Variants in AMOTL1 observed in about 807,000 individuals in gnomAD.
AMOTL1 encodes the protein angiomotin-like protein 1.
Under a neutral mutation model 102.9 loss-of-function variants are expected in AMOTL1, and 45 were observed. The observed-to-expected ratio is 0.44, with a 90% CI of 0.34 to 0.56. The LOEUF is 0.56. Ranked by LOEUF, AMOTL1 falls within the 20% of genes least tolerant of loss-of-function variation. The pLI is 0.01. For synonymous variants in AMOTL1, 481 were observed against 484.7 expected (o/e 0.99, Z 0.10); for missense variants, 1,114 against 1,225.6 (o/e 0.91, Z 1.36).
At chr11:94,813,515 G>T (rs1565363673) in intron 3 of AMOTL1, among the ~76,000 whole-genome samples, 1 of 152,128 alleles carries the variant, frequency 6.6e-6, no homozygotes, top group Non-Finnish European at 1.5e-5. Context: ...GCAACCATCC[G>T]CAGTTTTCAG....
intron 1 of AMOTL1, among the ~76,000 whole-genome samples, chr11:94,782,794 A>T (rs1565349772): frequency 6.6e-6 from 1 of 152,246 alleles, no homozygotes; most frequent in African/African-American, 2.4e-5. Flanking sequence ...CAAAAATTAT[A>T]TAACAACAGA....
At chr11:94,814,180 A>G (rs1315400910) in intron 3 of AMOTL1, among the ~76,000 whole-genome samples, 1 of 152,176 alleles carries the variant, frequency 6.6e-6, no homozygotes, top group East Asian at 1.9e-4. Context: ...AAAACCAAGG[A>G]GAGAGGCTGA....
intron 4 of AMOTL1, among the ~76,000 whole-genome samples, chr11:94,824,823 T>C (rs1325464799): frequency 2.0e-5 from 3 of 152,338 alleles, no homozygotes; most frequent in Admixed American, 6.5e-5. Flanking sequence ...CCTCGCAGCA[T>C]TGGGAATGTT....
chr11:94,712,468 A>G (rs961473443), intron 1 of AMOTL1, among the ~76,000 whole-genome samples: 2 of 152,126 alleles, frequency 1.3e-5, no homozygotes, highest in Non-Finnish European at 2.9e-5. Flanking sequence ...TTGTAACAAA[A>G]AGAAAAATTG....
chr11:94,725,744 G>A (rs1950247474), intron 1 of AMOTL1, among the ~76,000 whole-genome samples: 1 of 152,102 alleles, frequency 6.6e-6, no homozygotes, highest in Non-Finnish European at 1.5e-5. Flanking sequence ...TAGAGCTCTA[G>A]GAATGGCTGA....
chr11:94,848,314 A>T (rs974664865), intron 6 of AMOTL1, among the ~76,000 whole-genome samples: 2 of 152,108 alleles, frequency 1.3e-5, no homozygotes, highest in African/African-American at 4.8e-5. Context: ...ATGCTGCAGA[A>T]AGGAAGAAGG....
chr11:94,736,983 A>G (rs1393170914), intron 2 of AMOTL1, among the ~76,000 whole-genome samples: 1 of 152,228 alleles, frequency 6.6e-6, no homozygotes, highest in Non-Finnish European at 1.5e-5. Context: ...CTACTTCCTA[A>G]GATAGAAAAT....
At position 94,799,635 on chromosome 11, in the gene AMOTL1, C is replaced by T. The variant is rs1049650014; in HGVS notation, c.445C>T (p.Pro149Ser). 6.2e-7 allele frequency: 1 copy of T among 1,613,922 alleles called. No individual in the cohort carries two copies. Among genetic ancestry groups the T allele is most frequent in the South Asian group, 1.1e-5 (1 of 91,082 alleles). The change falls in exon 3 of 13, where the codon CCA becomes TCA. Residue 149 changes from proline (P) to serine (S), a missense_variant. Physicochemically the swap from Pro to Ser is moderately conservative, Grantham distance 74. Coordinates refer to ENST00000433060, the MANE Select transcript of AMOTL1 (RefSeq NM_130847.3). This position sits in a 1 kb window ranked among gnomAD's most constrained non-coding sequence, Gnocchi z 4.5. ...CACGGAAAACCTCACTCAAGAAGAC[C>T]CACAAATGGTCTACCAGTCAGCACG... The part of the protein sequence containing the change: ...SSTENLTQED[P>S]QMVYQSARQE...
At chr11:94,829,473 A>T (rs1189447986) in intron 4 of AMOTL1, among the ~76,000 whole-genome samples, 1 of 152,098 alleles carries the variant, frequency 6.6e-6, no homozygotes, top group East Asian at 1.9e-4. Flanking sequence ...CACCCACCTC[A>T]GCCTCCCAAA....
chr11:94,849,392 C>G (rs2135707528), intron 6 of AMOTL1, among the ~76,000 whole-genome samples: 1 of 152,292 alleles, frequency 6.6e-6, no homozygotes, highest in African/African-American at 2.4e-5. Context: ...TCGACGCTGC[C>G]TGCTTAAACT....
rs768866219 is a variant in AMOTL1, at chr11:94,870,765, T to C, written c.2841T>C (p.Pro947=). ...VSSLLHKPEF[P]DGEMMEVLI is the part of the protein sequence containing the mutation. ...GCTTGCTGCACAAGCCCGAGTTCCC[T>C]GATGGAGAGATGATGGAAGTCCTCA... is the stretch of plus-strand genomic sequence containing the variant. Residue 947 remains proline, a synonymous_variant, in exon 13 of 13, where the codon CCT becomes CCC. Transcript: ENST00000433060. 6 of 1,601,120 alleles carry C rather than the reference T, an allele frequency of 3.7e-6. No homozygotes were observed. In the African/African-American group the frequency reaches 6.7e-5, roughly 18 times the overall value.
intron 1 of AMOTL1, among the ~76,000 whole-genome samples, chr11:94,721,228 A>G (rs1950170304): frequency 1.3e-5 from 2 of 152,160 alleles, no homozygotes; most frequent in African/African-American, 4.8e-5. Flanking sequence ...CATAAGTGAA[A>G]ATAGACACCG....
chr11:94,722,775 C>T (rs1467493329), intron 1 of AMOTL1, among the ~76,000 whole-genome samples: 1 of 152,140 alleles, frequency 6.6e-6, no homozygotes, highest in Non-Finnish European at 1.5e-5. Context: ...TGTATTTGTG[C>T]ACTGCTTTGA....
At chr11:94,866,388 G>A (rs1952883415) in intron 11 of AMOTL1, 2 of 576,730 alleles carry the variant, frequency 3.5e-6, no homozygotes, top group Admixed American at 3.0e-5. Context: ...GCCATGGGTT[G>A]ACTCAGATCA....
In AMOTL1 at chr11:94,852,038, T is replaced by C. The variant is rs76020416; in HGVS notation, c.1794+1779T>C. On this transcript the variant is annotated intron_variant, in intron 7 of 12. Coordinates refer to ENST00000433060, the MANE Select transcript of AMOTL1 (RefSeq NM_130847.3). ...CCAAAATAGGCAAATCTCTTGGTGC[T>C]TATATTCTAGTAGCTGCACATTCAG... Among the ~76,000 whole-genome samples, 342 of 152,362 alleles carry C rather than the reference T, an allele frequency of 2.2e-3. 1 individual carries two copies. Among genetic ancestry groups the C allele is most frequent in the African/African-American group, 7.2e-3 (299 of 41,590 alleles).
intron 6 of AMOTL1, among the ~76,000 whole-genome samples, chr11:94,846,316 C>T (rs1297619932): frequency 2.0e-5 from 3 of 152,224 alleles, no homozygotes; most frequent in Admixed American, 2.0e-4. Context: ...ATCCTACTCA[C>T]CTCATAGCCC....
At chr11:94,837,747 G>T (rs1278712193) in intron 6 of AMOTL1, among the ~76,000 whole-genome samples, 1 of 152,198 alleles carries the variant, frequency 6.6e-6, no homozygotes, top group East Asian at 1.9e-4. Context: ...TTGGTCATGT[G>T]TTGATGTCTG....
rs1953025671 is a variant in AMOTL1, at chr11:94,872,801, G to T, written c.*2006G>T. 1 of 152,224 alleles carries T rather than the reference G, an allele frequency of 6.6e-6. No homozygotes were observed. The highest frequency in any genetic ancestry group is 2.4e-5 in the African/African-American group (1 of 41,426). 9.4% of individuals were successfully genotyped at this position (152,224 alleles called of 1,614,324 possible). On this transcript the variant is annotated 3_prime_UTR_variant, in exon 13 of 13. Transcript: ENST00000433060. ...CACCCCATGCCATAGGGTGTGGGAA[G>T]AGGGCACAGGAGGCCTCATCCATGG...
chr11:94,819,834 T>C (rs1181598487), intron 3 of AMOTL1, among the ~76,000 whole-genome samples: 2 of 152,216 alleles, frequency 1.3e-5, no homozygotes, highest in African/African-American at 2.4e-5. Flanking sequence ...ATACCCTTTA[T>C]ATTTCTAAAT....
Sources: allele counts gnomAD v4.1 joint callset (sites outside exome capture counted in the v4.1 genomes callset), GRCh38; gene constraint gnomAD v4.1.1; non-coding constraint Gnocchi (gnomAD v3.1); transcripts MANE v1.5; gene names NCBI Gene and HGNC (gene_info 2026-07-23, HGNC 2026-07-21).